SAMD11: variants seen among roughly 807,000 people sequenced by gnomAD.
SAMD11 encodes sterile alpha motif domain containing 11, also known as sterile alpha motif domain-containing protein 11.
In SAMD11, 77 loss-of-function variants were observed where a neutral mutation model predicts 64.4. The ratio of observed to expected loss-of-function variants is 1.20; its 90% CI spans 0.99 to 1.44. The LOEUF (loss-of-function observed/expected upper bound fraction) is 1.44. SAMD11 is among the 40% of genes most tolerant of loss of function. The probability of loss-of-function intolerance (pLI) is 0.00; values close to 1 mark genes in which losing one functional copy is unlikely to be tolerated. For synonymous variants in SAMD11, 658 were observed against 421.9 expected (o/e 1.56, Z -6.86); for missense variants, 1,402 against 943.3 (o/e 1.49, Z -6.37).
intron 8 of SAMD11, 157 bp from the exon 9 acceptor site, chr1:941,979 G>T: frequency 2.7e-6 from 1 of 373,796 alleles, no homozygotes; most frequent in Non-Finnish European, 4.8e-6. Context: ...TGGCGCCGCC[G>T]GCGGGGGCGG....
In SAMD11 at chr1:943,008, C is replaced by T. The variant is rs576314104; in HGVS notation, c.2003C>T (p.Ser668Phe). 1.3e-6 allele frequency: 2 copies of T among 1,537,204 alleles called. No homozygotes were observed. The highest frequency in any genetic ancestry group is 8.7e-7 in the Non-Finnish European group (1 of 1,145,396). ...GAGGGGAAGGGGCTTTTCCCAGGGT[C>T]CACACTGCCCCTGGGCTTCCCTTAT... Reference protein sequence around the residue: ...GAEGKGLFPGSTLPLGFPYAV... With the variant: ...GAEGKGLFPGFTLPLGFPYAV... Residue 668 changes from serine to phenylalanine, a missense_variant, in exon 11 of 14, where the codon TCC becomes TTC. Physicochemically the swap from Ser to Phe is radical, Grantham distance 155. Transcript: ENST00000616016.
intron 5 of SAMD11, among the ~76,000 whole-genome samples, chr1:936,910 C>T (rs959400813): frequency 6.6e-6 from 1 of 152,170 alleles, no homozygotes; most frequent in African/African-American, 2.4e-5. Context: ...CTCCCCTGTG[C>T]CTTCACACAG....
At chr1:942,314 C>T (rs1365012776) in intron 9 of SAMD11, 63 bp downstream of exon 9, 7 of 1,053,188 alleles carry the variant, frequency 6.6e-6, no homozygotes, top group Non-Finnish European at 8.9e-6. Context: ...CGGCCCTGCC[C>T]CTGTCGGAGC....
At chr1:927,932 G>A (rs947776677) in intron 2 of SAMD11, among the ~76,000 whole-genome samples, 4 of 152,334 alleles carry the variant, frequency 2.6e-5, no homozygotes, top group African/African-American at 4.8e-5. Context: ...GTGTCCCCAC[G>A]CCCGACTCTG....
At position 935,816 on chromosome 1, in the gene SAMD11, G is replaced by C; in HGVS notation, c.887G>C (p.Ser296Thr). 6.2e-7 allele frequency: 1 copy of C among 1,613,472 alleles called. No homozygotes were observed. The highest frequency in any genetic ancestry group is 1.3e-5 in the African/African-American group (1 of 75,056). The change falls in exon 5 of 14, where the codon AGC (serine) becomes ACC (threonine). Residue 296 changes from serine (S) to threonine (T), a missense_variant. By Grantham distance (58) the Ser-to-Thr change is moderately conservative. Transcript: ENST00000616016. ...ACCCTCATATCCAGCGTCCACCGCA[G>C]CCGCCACCTCGTTATGCCCGAGCAT... ...LPTLISSVHRSRHLVMPEHQS... is the reference protein window; with the variant it reads ...LPTLISSVHRTRHLVMPEHQS...
At position 935,893 on chromosome 1, in the gene SAMD11, G is replaced by A. The variant is rs762953021; in HGVS notation, c.964G>A (p.Ala322Thr). Residue 322 changes from alanine (A) to threonine (T), a missense_variant, in exon 5 of 14, where the codon GCC becomes ACC. By Grantham distance (58) the Ala-to-Thr change is moderately conservative. Coordinates refer to ENST00000616016, the MANE Select transcript of SAMD11 (RefSeq NM_001385641.1). ...RGSLEIGLRP[A>T]GDLLGKRLGR... ...CAGCCTGGAGATTGGCCTGCGACCC[G>A]CCGGTGAGGAGCACAGGGGGCCTGA... The A allele has an allele frequency of 5.0e-6, 8 of 1,612,538 alleles. No individual in the cohort carries two copies. The highest frequency in any genetic ancestry group is 3.3e-5 in the Admixed American group (2 of 59,992).
rs779509409 is a variant in SAMD11, at chr1:942,179, C to T, written c.1402C>T (p.Pro468Ser). The T allele has an allele frequency of 5.6e-6, 8 of 1,430,278 alleles. No homozygotes were observed. The highest frequency in any genetic ancestry group is 1.5e-5 in the African/African-American group (1 of 68,178). The allele number at this position is 1,430,278 out of a possible 1,614,324, so 88.6% of individuals were successfully genotyped here. ...PPPLLSPQNA[P>S]HVALGPHLRP... is the part of the protein sequence containing the mutation. ...CCCCTTGCTGTCGCCGCAGAATGCC[C>T]CTCACGTCGCCCTGGGCCCCCATCT... The change falls in exon 9 of 14, where the codon CCT becomes TCT. Residue 468 changes from proline (P) to serine (S), a missense_variant. Coordinates refer to ENST00000616016, the MANE Select transcript of SAMD11 (RefSeq NM_001385641.1).
At chr1:926,157 C>A in intron 2 of SAMD11, 144 bp downstream of exon 2, 1 of 783,124 alleles carries the variant, frequency 1.3e-6, no homozygotes, top group Non-Finnish European at 2.1e-6. Flanking sequence ...CAGGGGGAAG[C>A]GGCTTTACCT....
rs542381205 is a variant in SAMD11 at position 943,863 on chromosome 1, T to C, written c.2290-45T>C. On this transcript the variant is annotated intron_variant, in intron 13 of 13. Transcript: ENST00000616016. Reference sequence around the variant, plus strand: ...TCCAGACCACAGCTGGGCAGAAAGCTCTGGGTGGGTGTGCGACAGCCCCCA... The same window carrying C: ...TCCAGACCACAGCTGGGCAGAAAGCCCTGGGTGGGTGTGCGACAGCCCCCA... The C allele has an allele frequency of 1.1e-5, 18 of 1,612,888 alleles. No individual in the cohort carries two copies. The Middle Eastern group carries it at 6.6e-4, about 59-fold the overall frequency.
chr1:940,144 C>T (rs1339397955), intron 7 of SAMD11, among the ~76,000 whole-genome samples: 2 of 152,206 alleles, frequency 1.3e-5, no homozygotes, highest in Non-Finnish European at 2.9e-5. Flanking sequence ...GCAGCTCAGG[C>T]ACCAAGAGCC....
chr1:928,934 G>A lies in SAMD11; in HGVS notation c.610-1221G>A, dbSNP rs189964692. Among the ~76,000 whole-genome samples, 220 of 152,314 alleles carry A rather than the reference G, an allele frequency of 1.4e-3. 1 individual carries two copies. Among genetic ancestry groups the A allele is most frequent in the East Asian group, 5.8e-4 (3 of 5,186 alleles). Reference sequence around the variant, plus strand: ...CCTAACAGCCTCATCCCCAAGCTCCGGGCTGTGTTGTGGCAATGGGAGGGA... The same window carrying A: ...CCTAACAGCCTCATCCCCAAGCTCCAGGCTGTGTTGTGGCAATGGGAGGGA... On this transcript the variant is annotated intron_variant, in intron 2 of 13. Coordinates refer to ENST00000616016, the MANE Select transcript of SAMD11 (RefSeq NM_001385641.1).
chr1:929,737 G>T (rs1453118989), intron 2 of SAMD11, among the ~76,000 whole-genome samples: 1 of 152,212 alleles, frequency 6.6e-6, no homozygotes, highest in East Asian at 1.9e-4. Flanking sequence ...GGCCACACAA[G>T]CCCGGGACGG....
intron 2 of SAMD11, among the ~76,000 whole-genome samples, chr1:929,012 C>T (rs958396823): frequency 3.3e-5 from 5 of 152,198 alleles, no homozygotes; most frequent in African/African-American, 1.2e-4. Flanking sequence ...GAGTTAGACG[C>T]TCTCAAGGGC....
chr1:943,395 T>G lies in SAMD11; in HGVS notation c.2178+18T>G. 9 of 1,511,814 alleles carry G rather than the reference T, an allele frequency of 6.0e-6. No individual in the cohort carries two copies. The highest frequency in any genetic ancestry group is 8.0e-6 in the Non-Finnish European group (9 of 1,124,152). 93.6% of individuals were successfully genotyped at this position (1,511,814 alleles called of 1,614,324 possible). A position where few individuals can be genotyped will look rare whatever the true frequency, so the allele number is the denominator to read the frequency against. ...ACACTCGGGTAAGGGGGGGCCCCAG[T>G]TCCTGGGGCGGGGCTGGAGCTGGCT... On this transcript the variant is annotated intron_variant, in intron 12 of 13. Transcript: ENST00000616016.
At position 936,217 on chromosome 1, in the gene SAMD11, C is replaced by T. The variant is rs149899104; in HGVS notation, c.967+321C>T. On this transcript the variant is annotated intron_variant, in intron 5 of 13. Coordinates refer to ENST00000616016, the MANE Select transcript of SAMD11 (RefSeq NM_001385641.1). ...CACCCTGGAGGAACGCACGCACTCC[C>T]GCAGCGCACGCATGACTGGTCCCGC... Among the ~76,000 whole-genome samples the T allele has an allele frequency of 5.3e-3, 809 of 152,212 alleles. 4 individuals carry two copies. The highest frequency in any genetic ancestry group is 0.026 in the South Asian group (126 of 4,822).
chr1:933,722 A>C (rs1569880261), intron 4 of SAMD11, among the ~76,000 whole-genome samples: 1 of 146,580 alleles, frequency 6.8e-6, no homozygotes, highest in East Asian at 2.1e-4. Context: ...ACTCCCACCC[A>C]GCTGCCTTCC....
In SAMD11 at chr1:942,938, A is replaced by AG; in HGVS notation, c.1938dup (p.Pro647AlafsTer55). 1.3e-6 allele frequency: 2 copies of AG among 1,552,618 alleles called. No homozygotes were observed. Among genetic ancestry groups the AG allele is most frequent in the Non-Finnish European group, 1.7e-6 (2 of 1,149,848 alleles). On this transcript the variant is annotated frameshift_variant, in exon 11 of 14. Coordinates refer to ENST00000616016, the MANE Select transcript of SAMD11 (RefSeq NM_001385641.1). LOFTEE classifies it high-confidence loss of function. ...CCCCGAGACGGCAGCTGTTGGGTGC[A>AG]GGGGGCCCACTCCGGGCCAAGCTCC...
At position 942,228 on chromosome 1, in the gene SAMD11, C is replaced by A; in HGVS notation, c.1451C>A (p.Pro484His). The stretch of plus-strand genomic sequence containing the variant: ...CTCAGGCCCCCCTTCCTGGGGGTGC[C>A]CTCGGCTCTGTGCCAGACCCCAGGT... ...PHLRPPFLGV[P>H]SALCQTPGYG... Residue 484 changes from proline to histidine, a missense_variant, in exon 9 of 14, where the codon CCC becomes CAC. Pro to His is a moderately conservative substitution (Grantham distance 77). Transcript: ENST00000616016. 1 of 1,353,390 alleles carries A rather than the reference C, an allele frequency of 7.4e-7. No homozygotes were observed. Among genetic ancestry groups the A allele is most frequent in the Non-Finnish European group, 9.6e-7 (1 of 1,045,256 alleles). 83.8% of individuals were successfully genotyped at this position (1,353,390 alleles called of 1,614,324 possible).
chr1:944,386 G>C lies in SAMD11; in HGVS notation c.*233G>C. 1 of 1,314,766 alleles carries C rather than the reference G, an allele frequency of 7.6e-7. No individual in the cohort carries two copies. Among genetic ancestry groups the C allele is most frequent in the South Asian group, 1.9e-5 (1 of 51,320 alleles). The allele number at this position is 1,314,766 out of a possible 1,614,324, so 81.4% of individuals were successfully genotyped here. A position where few individuals can be genotyped will look rare whatever the true frequency, so the allele number is the denominator to read the frequency against. ...GACGGAGGGCAGAGGTGGTGGAAGG[G>C]GCCAGGGGCCTGCAGGCCTCCCCCT... On this transcript the variant is annotated 3_prime_UTR_variant, in exon 14 of 14. Coordinates refer to ENST00000616016, the MANE Select transcript of SAMD11 (RefSeq NM_001385641.1).
Sources: allele counts gnomAD v4.1 joint callset (sites outside exome capture counted in the v4.1 genomes callset), GRCh38; gene constraint gnomAD v4.1.1; transcripts MANE v1.5; gene names NCBI Gene and HGNC (gene_info 2026-07-23, HGNC 2026-07-21).